CHD6: variants seen among roughly 807,000 people sequenced by gnomAD.
CHD6 encodes chromodomain helicase DNA binding protein 6.
In CHD6, 50 loss-of-function variants were observed where a neutral mutation model predicts 276.9. That is an observed-to-expected ratio of 0.18 (90% CI 0.14 to 0.23). CHD6 has a LOEUF of 0.23. Ranked by LOEUF, CHD6 falls within the 10% of genes least tolerant of loss-of-function variation. The pLI, the probability that CHD6 is intolerant of heterozygous loss-of-function variation, is 1.00. For synonymous variants in CHD6, 1,173 were observed against 1,229.3 expected (o/e 0.95, Z 0.96); for missense variants, 2,564 against 3,365.8 (o/e 0.76, Z 5.89).
At chr20:41,499,199 C>A (rs747460817) in intron 6 of CHD6, 96 bp downstream of exon 6, 68 of 892,314 alleles carry the variant, frequency 7.6e-5, no homozygotes, top group Non-Finnish European at 1.2e-4. Context: ...TCACTCCAGC[C>A]AATAATGGTC....
intron 27 of CHD6, among the ~76,000 whole-genome samples, chr20:41,436,673 C>T (rs1188335184): frequency 6.6e-6 from 1 of 152,130 alleles, no homozygotes; most frequent in Non-Finnish European, 1.5e-5. Flanking sequence ...GAATACTACT[C>T]AGCAGTGAAA....
intron 1 of CHD6, among the ~76,000 whole-genome samples, chr20:41,587,423 G>A (rs911550844): frequency 6.6e-6 from 1 of 152,126 alleles, no homozygotes; most frequent in African/African-American, 2.4e-5. Context: ...GCTTATTCAG[G>A]ATTTTGGAAT....
intron 31 of CHD6, 137 bp downstream of exon 31, chr20:41,420,371 C>G: frequency 1.1e-6 from 1 of 901,964 alleles, no homozygotes; most frequent in Non-Finnish European, 1.7e-6. Context: ...CAGTCCAAGG[C>G]CTATGACCTT....
At position 41,452,645 on chromosome 20, in the gene CHD6, G is replaced by A. The variant is rs2048272889; in HGVS notation, c.3323+95C>T. ...CCCCCTTTGCCCTATAATTCCAAAG[G>A]TGACTGGAGAGACATCCTAGACAAA... On this transcript the variant is annotated intron_variant, in intron 21 of 36. Transcript: ENST00000373233. This position sits in a 1 kb window ranked among gnomAD's most constrained non-coding sequence, Gnocchi z 4.2. 1 of 1,110,742 alleles carries A rather than the reference G, an allele frequency of 9.0e-7. No individual in the cohort carries two copies. Among genetic ancestry groups the A allele is most frequent in the East Asian group, 2.4e-5 (1 of 42,164 alleles). The allele number at this position is 1,110,742 out of a possible 1,614,324, so 68.8% of individuals were successfully genotyped here. A position where few individuals can be genotyped will look rare whatever the true frequency, so the allele number is the denominator to read the frequency against.
At chr20:41,454,529 G>A (rs1002481297) in intron 20 of CHD6, 97 bp downstream of exon 20, 8 of 891,404 alleles carry the variant, frequency 9.0e-6, no homozygotes, top group South Asian at 3.3e-5. Context: ...TAAGAACCAA[G>A]ACTCAAGAGT....
rs563898761 is a variant in CHD6 at position 41,450,452 on chromosome 20, C to T, written c.3683+494G>A. ...TAAATATGAACAAAGTTTTGTTTTTCAATCAGTTTTTTTTTTTTTTGCTGT... is the reference window on the plus strand; with the variant it reads ...TAAATATGAACAAAGTTTTGTTTTTTAATCAGTTTTTTTTTTTTTTGCTGT... On this transcript the variant is annotated intron_variant, in intron 23 of 36. Coordinates refer to ENST00000373233, the MANE Select transcript of CHD6 (RefSeq NM_032221.5). Among the ~76,000 whole-genome samples the T allele has an allele frequency of 9.7e-4, 147 of 151,718 alleles. No homozygotes were observed. In the Middle Eastern group the frequency reaches 0.014, roughly 14 times the overall value.
chr20:41,513,484 A>AT (rs1476138203), intron 4 of CHD6, among the ~76,000 whole-genome samples: 1 of 152,176 alleles, frequency 6.6e-6, no homozygotes, highest in African/African-American at 2.4e-5. Context: ...ATTAGTATCA[A>AT]TTTTTTGGAT....
chr20:41,457,871 A>G (rs1396906955), intron 17 of CHD6, among the ~76,000 whole-genome samples: 1 of 152,188 alleles, frequency 6.6e-6, no homozygotes, highest in Non-Finnish European at 1.5e-5. Flanking sequence ...CCTCTTACGG[A>G]CAATCTCGTT....
At position 41,403,777 on chromosome 20, in the gene CHD6, C is replaced by T. The variant is rs543216528; in HGVS notation, c.*816G>A. 15 of 1,058,210 alleles carry T rather than the reference C, an allele frequency of 1.4e-5. No homozygotes were observed. In the Admixed American group the frequency reaches 1.6e-4, roughly 11 times the overall value. 65.6% of individuals were successfully genotyped at this position (1,058,210 alleles called of 1,614,324 possible). A position where few individuals can be genotyped will look rare whatever the true frequency, so the allele number is the denominator to read the frequency against. The stretch of plus-strand genomic sequence containing the variant: ...GTAAGCGAACCAGGTGAGAGCAGAG[C>T]GCTAGCCGTGTGCTTGTGAAGCAGC... On this transcript the variant is annotated 3_prime_UTR_variant, in exon 37 of 37. Transcript: ENST00000373233.
At chr20:41,406,343 G>A (rs912683475) in intron 36 of CHD6, among the ~76,000 whole-genome samples, 1 of 152,190 alleles carries the variant, frequency 6.6e-6, no homozygotes, top group African/African-American at 2.4e-5. Context: ...TCTGCTCCAC[G>A]TGGACCACAC....
chr20:41,583,370 A>G, intron 1 of CHD6, among the ~76,000 whole-genome samples: 1 of 152,068 alleles, frequency 6.6e-6, no homozygotes, highest in Non-Finnish European at 1.5e-5. Context: ...TCCAGAGGAC[A>G]ATGGAGTAAT....
intron 2 of CHD6, among the ~76,000 whole-genome samples, chr20:41,535,809 C>T (rs144356348): frequency 3.9e-5 from 6 of 151,972 alleles, no homozygotes; most frequent in Middle Eastern, 3.2e-3. Context: ...GAAGTTACAA[C>T]GGGCTATGAT....
At chr20:41,468,680 G>A (rs1009063989) in intron 17 of CHD6, among the ~76,000 whole-genome samples, 13 of 152,114 alleles carry the variant, frequency 8.5e-5, no homozygotes, top group Non-Finnish European at 1.8e-4. Flanking sequence ...AGACTCAACA[G>A]GTGCAATCCT....
At chr20:41,587,772 A>G (rs2045610923) in intron 1 of CHD6, among the ~76,000 whole-genome samples, 1 of 152,158 alleles carries the variant, frequency 6.6e-6, no homozygotes, top group African/African-American at 2.4e-5. Flanking sequence ...CTAACCCAAG[A>G]GCAGTCAATG....
rs562203470 is a variant in CHD6, at chr20:41,403,699, C to T, written c.*894G>A. 14 of 1,057,840 alleles carry T rather than the reference C, an allele frequency of 1.3e-5. No homozygotes were observed. The highest frequency in any genetic ancestry group is 1.0e-4 in the East Asian group (2 of 19,180). The allele number at this position is 1,057,840 out of a possible 1,614,324, so 65.5% of individuals were successfully genotyped here. On this transcript the variant is annotated 3_prime_UTR_variant, in exon 37 of 37. Coordinates refer to ENST00000373233, the MANE Select transcript of CHD6 (RefSeq NM_032221.5). The stretch of plus-strand genomic sequence containing the variant: ...GGAAAGCCTGAAGTGAAAATCCATT[C>T]GGTCCTGGTGCTCTTTAAACACAGA...
intron 16 of CHD6, among the ~76,000 whole-genome samples, chr20:41,477,695 C>T (rs541056598): frequency 3.3e-5 from 5 of 152,216 alleles, no homozygotes; most frequent in East Asian, 3.9e-4. Context: ...TCTGGAAAGT[C>T]GTATTTGATT....
At chr20:41,544,434 T>C (rs1156273653) in intron 2 of CHD6, among the ~76,000 whole-genome samples, 1 of 152,174 alleles carries the variant, frequency 6.6e-6, no homozygotes, top group East Asian at 1.9e-4. Context: ...TGTTTTTAAG[T>C]AGCCTTTTTT....
At chr20:41,405,603 T>C in intron 36 of CHD6, 114 bp from the exon 37 acceptor site, 1 of 767,648 alleles carries the variant, frequency 1.3e-6, no homozygotes, top group Non-Finnish European at 2.1e-6. Flanking sequence ...GCACGAAGGG[T>C]TCCCAGTACA....
chr20:41,499,206 G>T, intron 6 of CHD6, 89 bp downstream of exon 6: 1 of 957,522 alleles, frequency 1.0e-6, no homozygotes, highest in East Asian at 2.7e-5. Flanking sequence ...AGCCAATAAT[G>T]GTCATTCTAG....
Sources: allele counts gnomAD v4.1 joint callset (sites outside exome capture counted in the v4.1 genomes callset), GRCh38; gene constraint gnomAD v4.1.1; non-coding constraint Gnocchi (gnomAD v3.1); transcripts MANE v1.5; gene names NCBI Gene and HGNC (gene_info 2026-07-23, HGNC 2026-07-21).